COG5: variants seen among roughly 807,000 people sequenced by gnomAD.
COG5 encodes component of oligomeric golgi complex 5, also known as conserved oligomeric Golgi complex subunit 5.
A neutral mutation model predicts 110.4 loss-of-function variants in COG5; 86 were observed. The observed-to-expected ratio is 0.78, with a 90% CI of 0.65 to 0.93. The LOEUF is 0.93. Ranked by LOEUF, COG5 falls within the 40% of genes least tolerant of loss-of-function variation. The pLI is 0.00. For synonymous variants in COG5, 360 were observed against 334.6 expected (o/e 1.08, Z -0.83); for missense variants, 1,077 against 987.0 (o/e 1.09, Z -1.22).
At chr7:107,220,679 G>A (rs961880241) in intron 19 of COG5, among the ~76,000 whole-genome samples, 3 of 152,196 alleles carry the variant, frequency 2.0e-5, no homozygotes, top group Admixed American at 6.5e-5. Flanking sequence ...GGCTGCTCTC[G>A]TGTTTGAGCT....
intron 19 of COG5, among the ~76,000 whole-genome samples, chr7:107,226,519 G>C (rs1173212168): frequency 6.6e-6 from 1 of 152,162 alleles, no homozygotes; most frequent in African/African-American, 2.4e-5. Flanking sequence ...TCCTCTCTAG[G>C]AAGGAATTTG....
At chr7:107,211,737 A>G (rs1202732287) in intron 19 of COG5, among the ~76,000 whole-genome samples, 1 of 152,238 alleles carries the variant, frequency 6.6e-6, no homozygotes, top group Non-Finnish European at 1.5e-5. Context: ...ACACTCCATC[A>G]AAAATTTATG....
intron 6 of COG5, among the ~76,000 whole-genome samples, chr7:107,490,996 T>C (rs376863398): frequency 1.0e-3 from 153 of 152,238 alleles, no homozygotes; most frequent in African/African-American, 3.5e-3. Context: ...TTCAAAGTCA[T>C]TTACCCTCAG....
chr7:107,537,410 T>C (rs141458612), intron 5 of COG5, among the ~76,000 whole-genome samples: 19,130 of 151,984 alleles, frequency 0.13, 1,503 homozygotes, highest in Non-Finnish European at 0.17. Flanking sequence ...TATGCAGCCA[T>C]AAAAAAGAAT....
At chr7:107,341,132 A>G (rs1157940286) in intron 10 of COG5, among the ~76,000 whole-genome samples, 1 of 152,186 alleles carries the variant, frequency 6.6e-6, no homozygotes, top group Non-Finnish European at 1.5e-5. Flanking sequence ...AAAATCCTAA[A>G]GATTACACCA....
intron 7 of COG5, among the ~76,000 whole-genome samples, chr7:107,406,535 C>G (rs143249065): frequency 6.3e-4 from 96 of 152,080 alleles, no homozygotes; most frequent in African/African-American, 2.1e-3. Context: ...AACTTGACAA[C>G]TGGTAAAAAT....
chr7:107,346,951 G>T (rs1395838422), intron 10 of COG5, among the ~76,000 whole-genome samples: 1 of 152,026 alleles, frequency 6.6e-6, no homozygotes, highest in Admixed American at 6.6e-5. Flanking sequence ...TAAATATTCA[G>T]CAAGTTTCTA....
At chr7:107,510,213 C>A (rs1034857836) in intron 6 of COG5, among the ~76,000 whole-genome samples, 13 of 151,880 alleles carry the variant, frequency 8.6e-5, no homozygotes, top group African/African-American at 3.1e-4. Flanking sequence ...ATCTACCAAG[C>A]AAATGGAAAA....
At chr7:107,210,693 A>T in intron 20 of COG5, 88 bp from the exon 21 acceptor site, 1 of 1,405,370 alleles carries the variant, frequency 7.1e-7, no homozygotes, top group Non-Finnish European at 9.8e-7. Context: ...ACTCTCAAGT[A>T]TTCCCAAGGT....
At chr7:107,471,261 T>C (rs1178470497) in intron 6 of COG5, 1 of 152,108 alleles carries the variant, frequency 6.6e-6, no homozygotes. Flanking sequence ...AACAGTTTGG[T>C]TATTTTGATA....
chr7:107,535,208 G>A (rs1445245353), intron 5 of COG5, among the ~76,000 whole-genome samples: 4 of 151,556 alleles, frequency 2.6e-5, no homozygotes, highest in African/African-American at 4.9e-5. Context: ...ATGCCCACAG[G>A]AGAAAGTGGG....
chr7:107,525,535 T>A (rs956703083), intron 6 of COG5, among the ~76,000 whole-genome samples: 1 of 149,670 alleles, frequency 6.7e-6, no homozygotes, highest in Non-Finnish European at 1.5e-5. Flanking sequence ...ACAAGCATTA[T>A]TCATTGTTTA....
intron 10 of COG5, among the ~76,000 whole-genome samples, chr7:107,328,208 C>T (rs1018815235): frequency 2.6e-5 from 4 of 152,122 alleles, no homozygotes; most frequent in Non-Finnish European, 5.9e-5. Context: ...CACAAGCAGG[C>T]TTTATGTGAT....
At chr7:107,337,110 C>T (rs2129033973) in intron 10 of COG5, among the ~76,000 whole-genome samples, 1 of 151,792 alleles carries the variant, frequency 6.6e-6, no homozygotes, top group East Asian at 1.9e-4. Context: ...ATGACCTTAC[C>T]CCAGTTAGAA....
At chr7:107,357,366 A>ATAGATAGGTACACTGAATT (rs1464604558) in intron 10 of COG5, among the ~76,000 whole-genome samples, 1 of 152,178 alleles carries the variant, frequency 6.6e-6, no homozygotes, top group Non-Finnish European at 1.5e-5. Flanking sequence ...GATCTTTTCT[A>ATAGATAGGTACACTGAATT]TAGATAGGTA....
At chr7:107,299,536 C>CT (rs902278640) in intron 11 of COG5, among the ~76,000 whole-genome samples, 1 of 152,024 alleles carries the variant, frequency 6.6e-6, no homozygotes, top group African/African-American at 2.4e-5. Flanking sequence ...AGTTAAAAAT[C>CT]TTTCCACAAA....
rs953033838 is a variant in COG5 at position 107,413,449 on chromosome 7, G to A, written c.539-817C>T. Among the ~76,000 whole-genome samples, 123 of 151,928 alleles carry A rather than the reference G, an allele frequency of 8.1e-4. 2 individuals carry two copies. The highest frequency in any genetic ancestry group is 2.8e-3 in the African/African-American group (117 of 41,418). On this transcript the variant is annotated intron_variant, in intron 6 of 21. Coordinates refer to ENST00000297135, the MANE Select transcript of COG5 (RefSeq NM_006348.5). The stretch of plus-strand genomic sequence containing the variant: ...TACAAAGGGCTCTAAGAGCTGGGAG[G>A]GAGAAAGGTCTATATTATTTTAGTT...
chr7:107,558,161 TA>T (rs1803469299), intron 1 of COG5, 46 bp from the exon 2 acceptor site: 2 of 1,578,596 alleles, frequency 1.3e-6, no homozygotes, highest in South Asian at 2.2e-5. Context: ...TACCCTGTAC[TA>T]AACCAGTTAT....
intron 19 of COG5, among the ~76,000 whole-genome samples, chr7:107,228,322 A>G (rs1486452154): frequency 6.6e-6 from 1 of 151,726 alleles, no homozygotes; most frequent in Non-Finnish European, 1.5e-5. Context: ...AAAAAAAAAA[A>G]AAAGCCAAAT....
Sources: allele counts gnomAD v4.1 joint callset (sites outside exome capture counted in the v4.1 genomes callset), GRCh38; gene constraint gnomAD v4.1.1; transcripts MANE v1.5; gene names NCBI Gene and HGNC (gene_info 2026-07-23, HGNC 2026-07-21).